Variants in EML1 observed in about 807,000 individuals in gnomAD.
EML1 encodes EMAP like 1.
A neutral mutation model predicts 110.4 loss-of-function variants in EML1; 27 were observed. The ratio of observed to expected loss-of-function variants is 0.24; its 90% CI spans 0.18 to 0.34. The LOEUF is 0.34. EML1 is among the 10% of genes least tolerant of loss of function. The probability of loss-of-function intolerance (pLI) is 1.00; values close to 1 mark genes in which losing one functional copy is unlikely to be tolerated. For missense variants in EML1, 741 were observed against 1,030.9 expected, an observed-to-expected ratio of 0.72 and a Z score of 3.85; for synonymous variants, 344 against 385.8, an observed-to-expected ratio of 0.89 and a Z score of 1.27.
intron 1 of EML1, among the ~76,000 whole-genome samples, chr14:99,742,119 C>T (rs1262369477): frequency 6.6e-6 from 1 of 152,136 alleles, no homozygotes; most frequent in Non-Finnish European, 1.5e-5. Context: ...CATCAAGTAC[C>T]CCCCACCTCA....
At chr14:99,849,039 A>G (rs1174062384) in intron 1 of EML1, among the ~76,000 whole-genome samples, 1 of 152,066 alleles carries the variant, frequency 6.6e-6, no homozygotes, top group South Asian at 2.1e-4. Flanking sequence ...CTTTGAACTG[A>G]TGCAGGTATT....
intron 1 of EML1, among the ~76,000 whole-genome samples, chr14:99,836,265 C>A (rs2058539838): frequency 6.6e-6 from 1 of 152,140 alleles, no homozygotes; most frequent in Non-Finnish European, 1.5e-5. Context: ...GATGTATATG[C>A]ACCTATTTCA....
upstream of EML1, chr14:99,793,351 G>T (rs2057704166): frequency 1.0e-6 from 1 of 986,708 alleles, no homozygotes; most frequent in African/African-American, 1.8e-5. Context: ...GTAACCGGCA[G>T]CAGCAGCCGC....
At chr14:99,805,231 T>C (rs1003175635) in intron 1 of EML1, among the ~76,000 whole-genome samples, 2 of 152,204 alleles carry the variant, frequency 1.3e-5, no homozygotes, top group Admixed American at 6.5e-5. Flanking sequence ...TCATTCTGGC[T>C]CATGTGACTC....
At chr14:99,754,781 A>G (rs559988900) in intron 1 of EML1, among the ~76,000 whole-genome samples, 115 of 152,286 alleles carry the variant, frequency 7.6e-4, no homozygotes, top group African/African-American at 2.7e-3. Context: ...ACGTGGGATG[A>G]GGACTATGGA....
intron 2 of EML1, among the ~76,000 whole-genome samples, chr14:99,864,805 C>CAAA (rs67480916): frequency 1.9e-4 from 19 of 99,038 alleles, no homozygotes; most frequent in African/African-American, 4.2e-4. Flanking sequence ...AACTCTGTCT[C>CAAA]AAAAAAAAAA....
chr14:99,929,890 G>A (rs1200280313), intron 17 of EML1, among the ~76,000 whole-genome samples: 4 of 152,142 alleles, frequency 2.6e-5, no homozygotes, highest in Admixed American at 1.3e-4. Flanking sequence ...TTCTCATTCC[G>A]TCAGTCTCAG....
rs928635438 is a variant in EML1, at chr14:99,760,279, G to A, written c.28+22419G>A. Among the ~76,000 whole-genome samples, 10 of 152,032 alleles carry A rather than the reference G, an allele frequency of 6.6e-5. No individual in the cohort carries two copies. The East Asian group carries it at 7.7e-4, about 12-fold the overall frequency. The stretch of plus-strand genomic sequence containing the variant: ...AAACTCAGCCCTGTCAGCCACATGG[G>A]TTTCCTTTCTCTCCCTTCTCTTTCT... On this transcript the variant is annotated intron_variant, in intron 1 of 10. Transcript: ENST00000554479.
chr14:99,927,051 C>T (rs2060247583), intron 17 of EML1, among the ~76,000 whole-genome samples: 1 of 152,210 alleles, frequency 6.6e-6, no homozygotes, highest in Non-Finnish European at 1.5e-5. Context: ...CAGACCTGCC[C>T]TCTTATTTTT....
intron 1 of EML1, among the ~76,000 whole-genome samples, chr14:99,741,857 A>T (rs532242829): frequency 7.9e-5 from 12 of 152,240 alleles, no homozygotes; most frequent in Admixed American, 3.3e-4. Flanking sequence ...TGGAAAGGGT[A>T]TGAGATGCCT....
Position 99,760,617 on chromosome 14 carries a change from T to C in EML1, c.28+22757T>C, listed in dbSNP as rs573939359. On this transcript the variant is annotated intron_variant, in intron 1 of 10. Coordinates refer to the EML1 transcript ENST00000554479. The stretch of plus-strand genomic sequence containing the variant: ...CCTCCTCCATACAGCATGCAAAGTA[T>C]GTAAGCCTCCTTACAGCATGCAAAG... Among the ~76,000 whole-genome samples the C allele has an allele frequency of 6.6e-5, 10 of 152,276 alleles. No homozygotes were observed. The East Asian group carries it at 1.9e-3, about 29-fold the overall frequency.
intron 1 of EML1, among the ~76,000 whole-genome samples, chr14:99,835,212 T>G (rs1364223839): frequency 6.6e-6 from 1 of 152,214 alleles, no homozygotes; most frequent in Non-Finnish European, 1.5e-5. Flanking sequence ...TTTTTTTTCT[T>G]TCAAGAATGT....
intron 5 of EML1, among the ~76,000 whole-genome samples, chr14:99,891,976 C>T (rs967200465): frequency 1.3e-5 from 2 of 152,146 alleles, no homozygotes; most frequent in African/African-American, 2.4e-5. Context: ...GCTGTAAGCT[C>T]GCAGGGCCAC....
At chr14:99,810,972 A>G (rs2058065830) in intron 1 of EML1, among the ~76,000 whole-genome samples, 1 of 151,482 alleles carries the variant, frequency 6.6e-6, no homozygotes, top group African/African-American at 2.4e-5. Flanking sequence ...TAAAGAAAAA[A>G]CTCTGATCAC....
intron 10 of EML1, among the ~76,000 whole-genome samples, chr14:99,908,067 A>G (rs10133725): frequency 0.66 from 100,009 of 152,174 alleles, 33,154 homozygotes; most frequent in African/African-American, 0.76. Context: ...CTCGCACGGC[A>G]CGTGGAGGCC....
intron 15 of EML1, among the ~76,000 whole-genome samples, chr14:99,916,414 C>T (rs1342668338): frequency 6.6e-6 from 1 of 152,182 alleles, no homozygotes; most frequent in African/African-American, 2.4e-5. Flanking sequence ...TATCAAGTTT[C>T]TTTCTCTTGG....
chr14:99,936,456 T>C lies in EML1; in HGVS notation c.2095+122T>C. The C allele has an allele frequency of 1.1e-6, 1 of 886,860 alleles. No individual in the cohort carries two copies. Among genetic ancestry groups the C allele is most frequent in the South Asian group, 1.6e-5 (1 of 62,668 alleles). 54.9% of individuals were successfully genotyped at this position (886,860 alleles called of 1,614,324 possible). On this transcript the variant is annotated intron_variant, in intron 19 of 21. Coordinates refer to ENST00000262233, the MANE Select transcript of EML1 (RefSeq NM_004434.3). This position sits in a 1 kb window ranked among gnomAD's most constrained non-coding sequence, Gnocchi z 5.5. ...TTAGGCACGTGCCATCATCTCTAGG[T>C]CATGGTTTCCGCCTCTGTAACGTAG...
chr14:99,826,347 A>T (rs2058357495), intron 1 of EML1, among the ~76,000 whole-genome samples: 1 of 152,136 alleles, frequency 6.6e-6, no homozygotes, highest in African/African-American at 2.4e-5. Context: ...ACCTGACCTC[A>T]TGTGATCCGC....
intron 2 of EML1, among the ~76,000 whole-genome samples, chr14:99,856,389 G>A (rs1182153374): frequency 6.6e-6 from 1 of 152,170 alleles, no homozygotes; most frequent in Non-Finnish European, 1.5e-5. Context: ...ACATCATTGT[G>A]TGAAATACTA....
Sources: allele counts gnomAD v4.1 joint callset (sites outside exome capture counted in the v4.1 genomes callset), GRCh38; gene constraint gnomAD v4.1.1; non-coding constraint Gnocchi (gnomAD v3.1); transcripts MANE v1.5; gene names NCBI Gene and HGNC (gene_info 2026-07-23, HGNC 2026-07-21).